The following MMP25 variants were observed in gnomAD, a reference collection of about 807,000 sequenced individuals.
The protein encoded by MMP25 is matrix metallopeptidase 25.
Under a neutral mutation model 62.1 loss-of-function variants are expected in MMP25, and 68 were observed. The observed-to-expected ratio is 1.10, with a 90% CI of 0.90 to 1.34. The LOEUF (loss-of-function observed/expected upper bound fraction) is 1.34. MMP25 is among the 40% of genes most tolerant of loss of function. The pLI, the probability that MMP25 is intolerant of heterozygous loss-of-function variation, is 0.00. For synonymous variants in MMP25, 407 were observed against 345.6 expected (o/e 1.18, Z -1.97); for missense variants, 942 against 792.5 (o/e 1.19, Z -2.26).
At chr16:3,047,153 C>T (rs1955833285) in intron 1 of MMP25, 137 bp downstream of exon 1, 2 of 1,133,244 alleles carry the variant, frequency 1.8e-6, no homozygotes, top group Admixed American at 3.4e-5. Context: ...GGTCTGTGCT[C>T]CCGGCTTCTT....
intron 4 of MMP25, among the ~76,000 whole-genome samples, chr16:3,050,783 T>C (rs1003910945): frequency 5.9e-5 from 9 of 152,142 alleles, no homozygotes; most frequent in African/African-American, 2.2e-4. Flanking sequence ...TGGCTATTTT[T>C]TTTGTTTGTT....
intron 2 of MMP25, 34 bp from the exon 3 acceptor site, chr16:3,049,975 G>T: frequency 6.2e-7 from 1 of 1,604,402 alleles, no homozygotes. Flanking sequence ...CTCCTATTGT[G>T]GACACACCCC....
intron 4 of MMP25, chr16:3,051,109 A>G (rs2151154877): frequency 6.6e-6 from 1 of 152,472 alleles, no homozygotes; most frequent in South Asian, 2.0e-4. Flanking sequence ...GGTTTAAATT[A>G]TATTTACTGA....
rs766255727 is a variant in MMP25 at position 3,057,186 on chromosome 16, G to T, written c.815G>T (p.Arg272Leu). 10 of 1,612,390 alleles carry T rather than the reference G, an allele frequency of 6.2e-6. No individual in the cohort carries two copies. In the African/African-American group the frequency reaches 1.2e-4, roughly 19 times the overall value. The change falls in exon 5 of 10, where the codon CGC becomes CTC. Residue 272 changes from arginine to leucine, a missense_variant. By Grantham distance (102) the Arg-to-Leu change is moderately radical. Transcript: ENST00000336577. ...PDKYRLSQDDRDGLQQLYGKA... is the reference protein window; with the variant it reads ...PDKYRLSQDDLDGLQQLYGKA... ...AAGTACCGCCTGTCTCAGGATGACC[G>T]CGATGGCCTGCAGCAACTCTATGGT...
intron 2 of MMP25, 32 bp downstream of exon 2, chr16:3,047,579 C>G: frequency 6.2e-7 from 1 of 1,606,646 alleles, no homozygotes; most frequent in Non-Finnish European, 8.5e-7. Context: ...CCAGCCCTGC[C>G]TCTGCACCCA....
At chr16:3,056,908 G>C in intron 4 of MMP25, 125 bp from the exon 5 acceptor site, 2 of 992,858 alleles carry the variant, frequency 2.0e-6, no homozygotes, top group Non-Finnish European at 2.9e-6. Context: ...GGGCAGAGGA[G>C]GCTGGGGCCA....
At chr16:3,049,940 A>G (rs1955873764) in intron 2 of MMP25, 69 bp from the exon 3 acceptor site, 2 of 1,594,216 alleles carry the variant, frequency 1.3e-6, no homozygotes, top group Admixed American at 1.7e-5. Flanking sequence ...TAGAAAGTTG[A>G]CTGGTGCTAT....
Position 3,050,530 on chromosome 16 carries a change from G to A in MMP25, c.645G>A (p.Trp215Ter). 6.5e-7 allele frequency: 1 copy of A among 1,549,788 alleles called. No homozygotes were observed. The highest frequency in any genetic ancestry group is 1.7e-4 in the Middle Eastern group (1 of 5,766). Residue 215 changes from tryptophan to a stop codon, truncating the protein, a stop_gained, in exon 4 of 10, where the codon TGG becomes TGA. Coordinates refer to ENST00000336577, the MANE Select transcript of MMP25 (RefSeq NM_022468.5). LOFTEE classifies it high-confidence loss of function. ...GDTHFDDEET[W>*]TFGSKDGEGT... ...CTCACTTTGACGATGAGGAGACCTG[G>A]ACTTTTGGGTCAAAAGGTAAAATCT...
intron 4 of MMP25, chr16:3,052,052 G>A (rs951123072): frequency 6.6e-6 from 1 of 152,136 alleles, no homozygotes; most frequent in Non-Finnish European, 1.5e-5. Context: ...GTTGAATCCT[G>A]GAGGCAGAGG....
At position 3,057,408 on chromosome 16, in the gene MMP25, C is replaced by A. The variant is rs1567128392; in HGVS notation, c.923+14C>A. The A allele has an allele frequency of 6.2e-7, 1 of 1,608,646 alleles. No individual in the cohort carries two copies. The highest frequency in any genetic ancestry group is 1.1e-5 in the South Asian group (1 of 90,520). ...GCCCACACACAGGTGAGTCCCCCACCAACTCGGAGACCTTGGGTGACCAGC... is the reference window on the plus strand; with the variant it reads ...GCCCACACACAGGTGAGTCCCCCACAAACTCGGAGACCTTGGGTGACCAGC... On this transcript the variant is annotated intron_variant, in intron 6 of 9. Coordinates refer to ENST00000336577, the MANE Select transcript of MMP25 (RefSeq NM_022468.5).
chr16:3,056,998 G>C, intron 4 of MMP25, 35 bp from the exon 5 acceptor site: 3 of 1,527,520 alleles, frequency 2.0e-6, no homozygotes, highest in Non-Finnish European at 2.6e-6. Flanking sequence ...CCCCAAGCAG[G>C]GGCGGCCGCA....
Position 3,050,247 on chromosome 16 carries a change from T to C in MMP25, c.369-7T>C, listed in dbSNP as rs755145812. Reference sequence around the variant, plus strand: ...GCCACCCTTACACCTCACTCCCCTCTCCCCAGGGTACGTTCCTTCCCCCAG... The same window carrying C: ...GCCACCCTTACACCTCACTCCCCTCCCCCCAGGGTACGTTCCTTCCCCCAG... On this transcript the variant is annotated splice_region_variant and splice_polypyrimidine_tract_variant and intron_variant, in intron 3 of 9. Coordinates refer to ENST00000336577, the MANE Select transcript of MMP25 (RefSeq NM_022468.5). 1 of 1,583,486 alleles carries C rather than the reference T, an allele frequency of 6.3e-7. No homozygotes were observed. Among genetic ancestry groups the C allele is most frequent in the African/African-American group, 1.3e-5 (1 of 74,452 alleles).
rs370146983 is a variant in MMP25, at chr16:3,047,577, G to A, written c.232+30G>A. Reference sequence around the variant, plus strand: ...GTGGCCCCCACCCCTCCCCAGCCCTGCCTCTGCACCCAGCCTGTCCACCGC... The same window carrying A: ...GTGGCCCCCACCCCTCCCCAGCCCTACCTCTGCACCCAGCCTGTCCACCGC... On this transcript the variant is annotated intron_variant, in intron 2 of 9. Transcript: ENST00000336577. 62 of 1,606,784 alleles carry A rather than the reference G, an allele frequency of 3.9e-5. No homozygotes were observed. In the African/African-American group the frequency reaches 7.5e-4, roughly 19 times the overall value.
In MMP25 at chr16:3,057,127, G is replaced by T. The variant is rs1366071619; in HGVS notation, c.756G>T (p.Arg252Ser). The T allele has an allele frequency of 1.9e-6, 3 of 1,613,348 alleles. No homozygotes were observed. Among genetic ancestry groups the T allele is most frequent in the Non-Finnish European group, 2.5e-6 (3 of 1,179,808 alleles). The change falls in exon 5 of 10, where the codon AGG (arginine) becomes AGT (serine). Residue 252 changes from arginine to serine, a missense_variant. By Grantham distance (110) the Arg-to-Ser change is moderately radical (BLOSUM62 -1). Transcript: ENST00000336577. ...GHSSAPNSIM[R>S]PFYQGPVGDP... ...CCTCAGCCCCCAACTCCATTATGAG[G>T]CCCTTCTACCAGGGTCCGGTGGGCG...
In MMP25 at chr16:3,050,484, A is replaced by G. The variant is rs61753772; in HGVS notation, c.599A>G (p.Glu200Gly). 4,808 of 1,604,646 alleles carry G rather than the reference A, an allele frequency of 3.0e-3. 20 individuals carry two copies. The Middle Eastern group carries it at 0.038, about 13-fold the overall frequency. The change falls in exon 4 of 10, where the codon GAG becomes GGG. Residue 200 changes from glutamate (E) to glycine (G), a missense_variant. Coordinates refer to ENST00000336577, the MANE Select transcript of MMP25 (RefSeq NM_022468.5). ...GTLAHAFFPG[E>G]HPISGDTHFD... ...CTAGCCCATGCCTTCTTCCCTGGGG[A>G]GCACCCCATCTCCGGGGACACTCAC...
At chr16:3,049,866 A>C in intron 2 of MMP25, 143 bp from the exon 3 acceptor site, 2 of 1,260,966 alleles carry the variant, frequency 1.6e-6, no homozygotes, top group South Asian at 2.5e-5. Context: ...CCTGGGTTCA[A>C]ACCTGGGCTG....
chr16:3,049,644 C>G (rs542858788), intron 2 of MMP25, among the ~76,000 whole-genome samples: 2 of 152,174 alleles, frequency 1.3e-5, no homozygotes, highest in Non-Finnish European at 1.5e-5. Context: ...GCACAGCTCC[C>G]AGGGGGTTCC....
In MMP25 at chr16:3,047,891, G is replaced by C. The variant is rs1955843894; in HGVS notation, c.232+344G>C. 2.0e-5 allele frequency among the ~76,000 whole-genome samples: 3 copies of C among 149,866 alleles called. No homozygotes were observed. In the South Asian group the frequency reaches 6.3e-4, roughly 31 times the overall value. On this transcript the variant is annotated intron_variant, in intron 2 of 9. Coordinates refer to ENST00000336577, the MANE Select transcript of MMP25 (RefSeq NM_022468.5). ...TATCCCTCTTTTTGCCCAGGCTGGA[G>C]TGCAATGGTACCATCTCGGCTCACC...
At position 3,047,128 on chromosome 16, in the gene MMP25, A is replaced by C. The variant is rs535429792; in HGVS notation, c.99+112A>C. On this transcript the variant is annotated intron_variant, in intron 1 of 9. Coordinates refer to ENST00000336577, the MANE Select transcript of MMP25 (RefSeq NM_022468.5). The stretch of plus-strand genomic sequence containing the variant: ...AGGGGCCAGATTCCAATATCCAAAG[A>C]GTGACTGAGGATGGGGTCTGTGCTC... The C allele has an allele frequency of 1.3e-4, 161 of 1,217,316 alleles. 4 individuals are homozygous for C. In the Admixed American group the frequency reaches 4.9e-3, roughly 37 times the overall value. The allele number at this position is 1,217,316 out of a possible 1,614,324, so 75.4% of individuals were successfully genotyped here.
Sources: gnomAD v4.1 joint callset for allele counts (sites outside exome capture counted in the v4.1 genomes callset) on GRCh38, gnomAD v4.1.1 for gene constraint, MANE v1.5 for transcripts, NCBI Gene and HGNC (gene_info 2026-07-23, HGNC 2026-07-21) for gene names.